Variants in PRKDC observed in about 807,000 individuals in gnomAD.
The protein encoded by PRKDC is protein kinase, DNA-activated, catalytic subunit, also known as DNA-dependent protein kinase catalytic subunit.
In PRKDC, 82 loss-of-function variants were observed where a neutral mutation model predicts 486.9. The observed-to-expected ratio is 0.17, with a 90% CI of 0.14 to 0.20. The LOEUF (loss-of-function observed/expected upper bound fraction) is 0.20. Ranked by LOEUF, PRKDC falls within the 10% of genes least tolerant of loss-of-function variation. PRKDC has a pLI of 1.00. For synonymous variants in PRKDC, 1,895 were observed against 1,837.0 expected (o/e 1.03, Z -0.81); for missense variants, 4,504 against 5,038.2 (o/e 0.89, Z 3.21).
intron 68 of PRKDC, among the ~76,000 whole-genome samples, chr8:47,816,920 T>C (rs1358235207): frequency 1.3e-5 from 2 of 152,048 alleles, no homozygotes; most frequent in Non-Finnish European, 2.9e-5. Context: ...TTGTGTGCCA[T>C]AAACCTCTCT....
At chr8:47,918,456 ACTATATTGT>A in intron 21 of PRKDC, 73 bp from the exon 22 acceptor site, 1 of 799,658 alleles carries the variant, frequency 1.3e-6, no homozygotes. Context: ...GAGGCAACAA[ACTATATTGT>A]CAAATAGAAA....
intron 78 of PRKDC, among the ~76,000 whole-genome samples, chr8:47,783,312 G>C (rs1692287184): frequency 6.6e-6 from 1 of 151,262 alleles, no homozygotes; most frequent in Admixed American, 6.6e-5. Context: ...AAAAAGCCCG[G>C]GCATAGTGGC....
At chr8:47,876,227 G>C (rs550249402) in intron 40 of PRKDC, among the ~76,000 whole-genome samples, 1 of 152,274 alleles carries the variant, frequency 6.6e-6, no homozygotes, top group African/African-American at 2.4e-5. Flanking sequence ...TACAGTGGGT[G>C]AAGTTTATGA....
Position 47,800,996 on chromosome 8 carries a change from T to TA in PRKDC, c.9923-11dup, listed in dbSNP as rs573568510. 3.8e-3 allele frequency: 6,151 copies of TA among 1,611,808 alleles called. 63 individuals are homozygous for TA. The highest frequency in any genetic ancestry group is 0.025 in the South Asian group (2,269 of 90,600). ...GACACGTTGTTCTCATCTGTTGGAT[T>TA]AAAAAAACAAAACAAAACAAAATTT... On this transcript the variant is annotated splice_polypyrimidine_tract_variant and intron_variant, in intron 70 of 85. Transcript: ENST00000314191.
At chr8:47,904,294 G>A (rs539850263) in intron 26 of PRKDC, among the ~76,000 whole-genome samples, 110 of 152,168 alleles carry the variant, frequency 7.2e-4, no homozygotes, top group African/African-American at 2.5e-3. Context: ...TCACTCTGTC[G>A]CCCAGACTGG....
At chr8:47,841,218 C>A (rs1263719539) in intron 54 of PRKDC, among the ~76,000 whole-genome samples, 1 of 152,202 alleles carries the variant, frequency 6.6e-6, no homozygotes, top group Non-Finnish European at 1.5e-5. Flanking sequence ...ACAGGCAGAG[C>A]ACCAGCCTAT....
chr8:47,948,375 T>G (rs1369770753), intron 7 of PRKDC, among the ~76,000 whole-genome samples: 2 of 151,820 alleles, frequency 1.3e-5, no homozygotes, highest in East Asian at 1.9e-4. Context: ...CCCAAAGTGC[T>G]GGGATTACAG....
intron 63 of PRKDC, 89 bp from the exon 64 acceptor site, chr8:47,824,085 CCA>C: frequency 8.1e-7 from 1 of 1,240,736 alleles, no homozygotes; most frequent in Non-Finnish European, 1.1e-6. Context: ...AATCAAGTTG[CCA>C]CACATTATAT....
intron 58 of PRKDC, among the ~76,000 whole-genome samples, chr8:47,834,686 C>CTTCTTTTTTTT (rs1319694640): frequency 1.0e-5 from 1 of 96,778 alleles, no homozygotes; most frequent in African/African-American, 6.8e-5. Flanking sequence ...GAACCCCTGA[C>CTTCTTTTTTTT]TTTTTTTTTT....
In PRKDC at chr8:47,827,701, T is replaced by C. The variant is rs559505572; in HGVS notation, c.8577+467A>G. 2.0e-5 allele frequency among the ~76,000 whole-genome samples: 3 copies of C among 152,304 alleles called. No individual in the cohort carries two copies. In the East Asian group the frequency reaches 5.8e-4, roughly 29 times the overall value. On this transcript the variant is annotated intron_variant, in intron 62 of 85. Transcript: ENST00000314191. ...CCTAATGTCCCTTTCTACATCTCCC[T>C]GTGGGTTGCCTATTACCCATCTATT...
At position 47,929,127 on chromosome 8, in the gene PRKDC, A is replaced by G; in HGVS notation, c.2104T>C (p.Ser702Pro). 2.5e-6 allele frequency: 4 copies of G among 1,577,802 alleles called. No homozygotes were observed. Among genetic ancestry groups the G allele is most frequent in the Non-Finnish European group, 2.6e-6 (3 of 1,159,820 alleles). ...KHSPEDPEKY[S>P]CFALFVKFGK... ...AATTTCACAAATAAAGCAAAGCAAG[A>G]ATACTTTTCTGGGTCTTCAGGAGAG... The change falls in exon 19 of 86, where the codon TCT becomes CCT. Residue 702 changes from serine to proline, a missense_variant. Coordinates refer to ENST00000314191, the MANE Select transcript of PRKDC (RefSeq NM_006904.7).
At chr8:47,810,350 T>C (rs2087301285) in intron 68 of PRKDC, among the ~76,000 whole-genome samples, 1 of 152,228 alleles carries the variant, frequency 6.6e-6, no homozygotes, top group African/African-American at 2.4e-5. Context: ...TACTTTATTA[T>C]TGTTATTGCT....
In PRKDC at chr8:47,823,923, T is replaced by A. The variant is rs369402631; in HGVS notation, c.8857A>T (p.Thr2953Ser). 6.6e-5 allele frequency: 107 copies of A among 1,613,856 alleles called. No homozygotes were observed. Among genetic ancestry groups the A allele is most frequent in the Admixed American group, 6.7e-5 (4 of 60,008 alleles). ...FTSEIGTKQI[T>S]QSALLAEARS... ...GCTTCTGCTAATAATGCACTCTGAGTGATTTGCTTTGTTCCTATCTCACTG... is the reference window on the plus strand; with the variant it reads ...GCTTCTGCTAATAATGCACTCTGAGAGATTTGCTTTGTTCCTATCTCACTG... Residue 2953 changes from threonine to serine, a missense_variant, in exon 64 of 86, where the codon ACT (threonine) becomes TCT (serine). By Grantham distance (58) the Thr-to-Ser change is moderately conservative. Around this residue, in one of 6 missense-constraint regions of PRKDC, gnomAD observed 1,592 missense variants for 1,724.6 expected, o/e 0.92. Coordinates refer to ENST00000314191, the MANE Select transcript of PRKDC (RefSeq NM_006904.7).
intron 46 of PRKDC, 49 bp from the exon 47 acceptor site, chr8:47,859,035 TG>T: frequency 1.9e-6 from 3 of 1,596,858 alleles, no homozygotes; most frequent in Non-Finnish European, 2.6e-6. Flanking sequence ...TAACATTCAG[TG>T]GACAAGGCAG....
rs760219580 is a variant in PRKDC at position 47,858,914 on chromosome 8, T to C, written c.6280A>G (p.Met2094Val). ...EMDELNRHECMAPLTALVKHM... is the reference protein window; with the variant it reads ...EMDELNRHECVAPLTALVKHM... ...TTGACCAGGGCCGTCAGGGGCGCCATGCACTCATGCCGATTGAGCTCGTCC... is the reference window on the plus strand; with the variant it reads ...TTGACCAGGGCCGTCAGGGGCGCCACGCACTCATGCCGATTGAGCTCGTCC... The change falls in exon 47 of 86, where the codon ATG becomes GTG. Residue 2094 changes from methionine (M) to valine (V), a missense_variant. By Grantham distance (21) the Met-to-Val change is conservative. Around this residue, in one of 6 missense-constraint regions of PRKDC, gnomAD observed 1,592 missense variants for 1,724.6 expected, o/e 0.92. Coordinates refer to ENST00000314191, the MANE Select transcript of PRKDC (RefSeq NM_006904.7). 48 of 1,613,826 alleles carry C rather than the reference T, an allele frequency of 3.0e-5. No individual in the cohort carries two copies. Among genetic ancestry groups the C allele is most frequent in the Non-Finnish European group, 4.0e-5 (47 of 1,179,884 alleles).
At chr8:47,888,910 A>G in intron 33 of PRKDC, 104 bp downstream of exon 33, 3 of 1,249,544 alleles carry the variant, frequency 2.4e-6, no homozygotes, top group East Asian at 4.7e-5. Context: ...TCCCACTGAT[A>G]TAAGCCTTCC....
At chr8:47,936,324 T>C (rs377632938) in intron 12 of PRKDC, 29 bp downstream of exon 12, 1 of 1,571,536 alleles carries the variant, frequency 6.4e-7, no homozygotes, top group Non-Finnish European at 8.6e-7. Flanking sequence ...ATTAAATACT[T>C]AAAATTGTGC....
At chr8:47,865,760 T>G (rs890188019) in intron 40 of PRKDC, among the ~76,000 whole-genome samples, 4 of 152,062 alleles carry the variant, frequency 2.6e-5, no homozygotes, top group Non-Finnish European at 5.9e-5. Flanking sequence ...TATAATGGAC[T>G]GAATGTTTAA....
At chr8:47,818,736 T>C (rs2087511856) in intron 67 of PRKDC, among the ~76,000 whole-genome samples, 1 of 152,190 alleles carries the variant, frequency 6.6e-6, no homozygotes, top group Non-Finnish European at 1.5e-5. Flanking sequence ...AATAACTAGG[T>C]AGACATAAAT....
Sources: allele counts gnomAD v4.1 joint callset (sites outside exome capture counted in the v4.1 genomes callset), GRCh38; gene constraint gnomAD v4.1.1; regional missense constraint gnomAD v4.1.1; transcripts MANE v1.5; gene names NCBI Gene and HGNC (gene_info 2026-07-23, HGNC 2026-07-21).